The following GRIN2A variants were observed in gnomAD, a reference collection of about 807,000 sequenced individuals.
GRIN2A encodes glutamate receptor ionotropic, NMDA 2A.
A neutral mutation model predicts 113.4 loss-of-function variants in GRIN2A; 22 were observed. That is an observed-to-expected ratio of 0.19 (90% confidence interval 0.14 to 0.28). The LOEUF (loss-of-function observed/expected upper bound fraction) is 0.28, where lower values mean the gene tolerates loss of function less well. Among genes scored for constraint, GRIN2A ranks in the 10% least tolerant of loss-of-function variants. The probability of loss-of-function intolerance (pLI) is 1.00; values close to 1 mark genes in which losing one functional copy is unlikely to be tolerated. For synonymous variants in GRIN2A, 827 were observed against 738.4 expected (o/e 1.12, Z -1.94); for missense variants, 1,502 against 1,887.0 (o/e 0.80, Z 3.78).
At chr16:10,129,314 A>G (rs1463285865) in intron 2 of GRIN2A, among the ~76,000 whole-genome samples, 6 of 152,198 alleles carry the variant, frequency 3.9e-5, no homozygotes, top group Non-Finnish European at 8.8e-5. Flanking sequence ...CTTAAGATAT[A>G]GAAATGACTA....
At chr16:9,920,354 C>T (rs937925839) in intron 3 of GRIN2A, among the ~76,000 whole-genome samples, 1 of 152,136 alleles carries the variant, frequency 6.6e-6, no homozygotes, top group East Asian at 1.9e-4. Context: ...TTTGCTTTCA[C>T]CTCATCGGCT....
In GRIN2A at chr16:10,085,795, C is replaced by G. The variant is rs1182572904; in HGVS notation, c.414+94203G>C. On this transcript the variant is annotated intron_variant, in intron 2 of 12. Coordinates refer to ENST00000330684, the MANE Select transcript of GRIN2A (RefSeq NM_001134407.3). ...TGGTTATGGCTAGGAACTCAGTTTT[C>G]AAGGTTTCTCTGGGATCCCCCTGGC... is the stretch of plus-strand genomic sequence containing the variant. Among the ~76,000 whole-genome samples the G allele has an allele frequency of 8.5e-5, 13 of 152,272 alleles. No homozygotes were observed. In the East Asian group the frequency reaches 2.5e-3, roughly 29 times the overall value.
rs577053171 is a variant in GRIN2A, at chr16:9,882,401, T to G, written c.1122+8585A>C. ...ATATCTGTACTAGGAATCCTATAAC[T>G]GGAATCTACTTTATTTCACACAAGA... On this transcript the variant is annotated intron_variant, in intron 4 of 12. Transcript: ENST00000330684. Among the ~76,000 whole-genome samples, 5 of 152,196 alleles carry G rather than the reference T, an allele frequency of 3.3e-5. No individual in the cohort carries two copies. The South Asian group carries it at 6.2e-4, about 19-fold the overall frequency.
chr16:9,934,018 C>T (rs895729534), intron 3 of GRIN2A, among the ~76,000 whole-genome samples: 4 of 152,150 alleles, frequency 2.6e-5, no homozygotes, highest in African/African-American at 9.7e-5. Context: ...ATCATGTTTT[C>T]CCTTCTATGG....
chr16:9,920,694 G>A (rs117216007), intron 3 of GRIN2A, among the ~76,000 whole-genome samples: 2,891 of 151,748 alleles, frequency 0.019, 74 homozygotes, highest in East Asian at 0.12. Flanking sequence ...GCCTCCTGCC[G>A]TAGCTGGGAC....
At chr16:10,134,203 A>G (rs968271165) in intron 2 of GRIN2A, among the ~76,000 whole-genome samples, 2 of 114,460 alleles carry the variant, frequency 1.7e-5, no homozygotes, top group African/African-American at 6.3e-5. Flanking sequence ...CAGAAAAAAA[A>G]AAAAAAAAAA....
At chr16:10,173,238 G>A (rs1224973372) in intron 2 of GRIN2A, among the ~76,000 whole-genome samples, 1 of 152,210 alleles carries the variant, frequency 6.6e-6, no homozygotes, top group African/African-American at 2.4e-5. Flanking sequence ...AGCTGAGTGG[G>A]CTCCACCAAC....
intron 10 of GRIN2A, among the ~76,000 whole-genome samples, chr16:9,810,839 T>A (rs568857838): frequency 6.6e-6 from 1 of 152,266 alleles, no homozygotes; most frequent in African/African-American, 2.4e-5. Flanking sequence ...AGTACCTGAG[T>A]TCCTATCACT....
intron 2 of GRIN2A, among the ~76,000 whole-genome samples, chr16:9,978,928 C>T (rs2045829769): frequency 6.6e-6 from 1 of 152,184 alleles, no homozygotes; most frequent in Non-Finnish European, 1.5e-5. Context: ...TACCCACAGA[C>T]ACTTCTAAGA....
rs2043678922 is a variant in GRIN2A at position 9,890,835 on chromosome 16, T to G, written c.1122+151A>C. ...CCAATTGCACCTTACAGATTTAGTC[T>G]GCCTTGTTGCAAGAAAGACGTGCTC... On this transcript the variant is annotated intron_variant, in intron 4 of 12. Coordinates refer to ENST00000330684, the MANE Select transcript of GRIN2A (RefSeq NM_001134407.3). The G allele has an allele frequency of 6.1e-6, 4 of 656,882 alleles. No homozygotes were observed. The Admixed American group carries it at 8.8e-5, about 15-fold the overall frequency. 40.7% of individuals were successfully genotyped at this position (656,882 alleles called of 1,614,324 possible).
intron 2 of GRIN2A, among the ~76,000 whole-genome samples, chr16:10,024,123 C>G (rs1450827836): frequency 6.6e-6 from 1 of 152,194 alleles, no homozygotes; most frequent in Non-Finnish European, 1.5e-5. Context: ...GGGCTCAAAT[C>G]GAGCCCATGA....
At position 10,176,911 on chromosome 16, in the gene GRIN2A, C is replaced by A. The variant is rs182355717; in HGVS notation, c.414+3087G>T. The stretch of plus-strand genomic sequence containing the variant: ...GTGTGTGTTCATTTTAACTGATAAC[C>A]AAATTGACTACTATTCTTACCAGCA... On this transcript the variant is annotated intron_variant, in intron 2 of 12. Transcript: ENST00000330684. Among the ~76,000 whole-genome samples the A allele has an allele frequency of 7.2e-5, 11 of 151,924 alleles. No homozygotes were observed. The South Asian group carries it at 2.3e-3, about 32-fold the overall frequency.
chr16:10,074,130 C>T (rs2047820823), intron 2 of GRIN2A, among the ~76,000 whole-genome samples: 1 of 152,110 alleles, frequency 6.6e-6, no homozygotes, highest in African/African-American at 2.4e-5. Flanking sequence ...AAAATATGCT[C>T]AATACAAACA....
At chr16:9,869,405 C>T (rs535397921) in intron 4 of GRIN2A, among the ~76,000 whole-genome samples, 2 of 152,264 alleles carry the variant, frequency 1.3e-5, no homozygotes, top group East Asian at 3.9e-4. Flanking sequence ...TGCACTCCAG[C>T]CTGGGCAACA....
intron 3 of GRIN2A, among the ~76,000 whole-genome samples, chr16:9,908,193 T>C (rs1056189679): frequency 1.3e-5 from 2 of 152,114 alleles, no homozygotes; most frequent in Non-Finnish European, 2.9e-5. Flanking sequence ...GACATGGATT[T>C]CTGGTGTGGA....
At chr16:10,048,787 C>A (rs963215841) in intron 2 of GRIN2A, among the ~76,000 whole-genome samples, 1 of 152,260 alleles carries the variant, frequency 6.6e-6, no homozygotes, top group African/African-American at 2.4e-5. Context: ...ATGTCTCAAC[C>A]CATAAAAGAC....
chr16:9,821,643 G>A (rs1202979766), intron 10 of GRIN2A, among the ~76,000 whole-genome samples: 3 of 152,082 alleles, frequency 2.0e-5, no homozygotes, highest in Non-Finnish European at 4.4e-5. Flanking sequence ...TAGATATGAG[G>A]CTATGAGGTA....
chr16:9,966,614 T>A (rs2045561039), intron 2 of GRIN2A, among the ~76,000 whole-genome samples: 1 of 152,194 alleles, frequency 6.6e-6, no homozygotes, highest in East Asian at 1.9e-4. Flanking sequence ...AATAGAACGA[T>A]CTATATTCCT....
chr16:9,965,438 T>G (rs370758675), intron 2 of GRIN2A, among the ~76,000 whole-genome samples: 1 of 152,180 alleles, frequency 6.6e-6, no homozygotes, highest in Non-Finnish European at 1.5e-5. Flanking sequence ...AGCCAGGAAA[T>G]AGAACACAAA....
Sources: gnomAD v4.1 joint callset for allele counts (sites outside exome capture counted in the v4.1 genomes callset) on GRCh38, gnomAD v4.1.1 for gene constraint, MANE v1.5 for transcripts, NCBI Gene and HGNC (gene_info 2026-07-23, HGNC 2026-07-21) for gene names.